LOC122539214: variants seen among roughly 807,000 people sequenced by gnomAD.
chr19:52,651,356 G>T, the LOC122539214 span: 1 of 152,190 alleles, frequency 6.6e-6, no homozygotes, highest in Admixed American at 6.5e-5. Flanking sequence ...TTACCCCAAG[G>T]ATTTACAGAT....
the LOC122539214 span, among the ~76,000 whole-genome samples, chr19:52,670,286 C>G: frequency 6.6e-6 from 1 of 152,280 alleles, no homozygotes; most frequent in East Asian, 1.9e-4. Flanking sequence ...TGCCAAACCA[C>G]TCACCTTGTC....
the LOC122539214 span, among the ~76,000 whole-genome samples, chr19:52,677,616 T>C: frequency 9.2e-5 from 14 of 152,222 alleles, no homozygotes; most frequent in East Asian, 7.7e-4. Flanking sequence ...AAAATCCCCC[T>C]TGTAGATTGC....
chr19:52,658,062 G>A, the LOC122539214 span, among the ~76,000 whole-genome samples: 1 of 150,040 alleles, frequency 6.7e-6, no homozygotes, highest in South Asian at 2.1e-4. Flanking sequence ...CTTTAACCAT[G>A]AAAGCGGAGG....
At chr19:52,680,668 A>G in the LOC122539214 span, among the ~76,000 whole-genome samples, 59 of 122,600 alleles carry the variant, frequency 4.8e-4, no homozygotes, top group Non-Finnish European at 7.8e-4. Flanking sequence ...GCTGGAGTGC[A>G]GTGGCGCGAT....
chr19:52,683,990 C>A, the LOC122539214 span, among the ~76,000 whole-genome samples: 3 of 152,116 alleles, frequency 2.0e-5, no homozygotes, highest in African/African-American at 2.4e-5. Context: ...TTCCAGTACA[C>A]CGGGAGACCA....
the LOC122539214 span, among the ~76,000 whole-genome samples, chr19:52,657,037 G>C: frequency 1.3e-5 from 2 of 152,054 alleles, no homozygotes; most frequent in African/African-American, 4.8e-5. Context: ...GATTGCTTGA[G>C]CCTGGAGAGC....
chr19:52,678,939 C>T, the LOC122539214 span, among the ~76,000 whole-genome samples: 3 of 150,068 alleles, frequency 2.0e-5, no homozygotes, highest in African/African-American at 7.4e-5. Context: ...CACACAACTG[C>T]CTCCACCCTG....
At chr19:52,676,469 G>C in the LOC122539214 span, among the ~76,000 whole-genome samples, 3 of 151,564 alleles carry the variant, frequency 2.0e-5, no homozygotes, top group Non-Finnish European at 4.4e-5. Context: ...AGCCTGCCCC[G>C]GCCCGGCTAG....
At chr19:52,656,255 C>A in the LOC122539214 span, among the ~76,000 whole-genome samples, 1,914 of 152,112 alleles carry the variant, frequency 0.013, 41 homozygotes, top group African/African-American at 0.044. Context: ...GGCATGGGGG[C>A]TCACACCTAT....
chr19:52,654,301 A>G, the LOC122539214 span: 22 of 1,513,416 alleles, frequency 1.5e-5, no homozygotes, highest in East Asian at 6.8e-5. Flanking sequence ...AAAATCTCCA[A>G]TGTGATGACT....
At chr19:52,659,393 C>T in the LOC122539214 span, among the ~76,000 whole-genome samples, 3 of 152,100 alleles carry the variant, frequency 2.0e-5, no homozygotes, top group African/African-American at 4.8e-5. Context: ...GGTTTCATCA[C>T]GGGACAATAG....
At chr19:52,687,878 TG>T in the LOC122539214 span, among the ~76,000 whole-genome samples, 1 of 151,288 alleles carries the variant, frequency 6.6e-6, no homozygotes, top group Non-Finnish European at 1.5e-5. Context: ...AAGTGATTTT[TG>T]TTGCACTTCA....
chr19:52,675,413 T>C, the LOC122539214 span, among the ~76,000 whole-genome samples: 125,503 of 151,712 alleles, frequency 0.83, 52,566 homozygotes, highest in African/African-American at 0.96. Context: ...TCAAGGGGGA[T>C]ACAAGGGCTG....
chr19:52,652,703 CTT>C, the LOC122539214 span: 1 of 652,334 alleles, frequency 1.5e-6, no homozygotes, highest in Non-Finnish European at 2.8e-6. Context: ...TTACTGAGGA[CTT>C]TGTGAGAATC....
chr19:52,664,769 G>A, the LOC122539214 span, among the ~76,000 whole-genome samples: 7 of 143,424 alleles, frequency 4.9e-5, no homozygotes, highest in Non-Finnish European at 1.1e-4. Context: ...GGTGAGGGGG[G>A]AAGAGGCCTG....
the LOC122539214 span, among the ~76,000 whole-genome samples, chr19:52,659,082 G>T: frequency 5.3e-5 from 8 of 152,104 alleles, no homozygotes; most frequent in African/African-American, 1.9e-4. Flanking sequence ...GCCAGGGTCC[G>T]TGGGCAGACC....
chr19:52,688,022 T>C, the LOC122539214 span, among the ~76,000 whole-genome samples: 11 of 152,234 alleles, frequency 7.2e-5, no homozygotes, highest in African/African-American at 2.6e-4. Flanking sequence ...AGAATGTACA[T>C]GTCTCATAGA....
At chr19:52,659,440 A>C in the LOC122539214 span, among the ~76,000 whole-genome samples, 1 of 152,164 alleles carries the variant, frequency 6.6e-6, no homozygotes, top group African/African-American at 2.4e-5. Flanking sequence ...AAAAATGTTC[A>C]GACAGTTGCT....
chr19:52,671,816 T>C, the LOC122539214 span, among the ~76,000 whole-genome samples: 87 of 152,328 alleles, frequency 5.7e-4, 2 homozygotes, highest in South Asian at 0.017. Flanking sequence ...ACAAAGGCTA[T>C]AAAATATGCA....
Sources: allele counts gnomAD v4.1 joint callset (sites outside exome capture counted in the v4.1 genomes callset), GRCh38; gene constraint gnomAD v4.1.1; transcripts MANE v1.5.